The following PLXDC2 variants were observed in gnomAD, a reference collection of about 807,000 sequenced individuals.
PLXDC2 encodes the protein plexin domain containing 2.
PLXDC2 carries 40 observed loss-of-function variants against 68.9 expected under a neutral mutation model. The ratio of observed to expected loss-of-function variants is 0.58; its 90% CI spans 0.45 to 0.76. The LOEUF is 0.76. Ranked by LOEUF, PLXDC2 falls within the 30% of genes least tolerant of loss-of-function variation. The probability of loss-of-function intolerance (pLI) is 0.00; values close to 1 mark genes in which losing one functional copy is unlikely to be tolerated. For synonymous variants in PLXDC2, 243 were observed against 234.2 expected, an observed-to-expected ratio of 1.04 and a Z score of -0.34; for missense variants, 644 against 661.9, an observed-to-expected ratio of 0.97 and a Z score of 0.30.
intron 1 of PLXDC2, among the ~76,000 whole-genome samples, chr10:19,840,948 A>G (rs2131317718): frequency 6.6e-6 from 1 of 152,322 alleles, no homozygotes; most frequent in Non-Finnish European, 1.5e-5. Flanking sequence ...CACTAATAAC[A>G]ACATGATTAC....
intron 3 of PLXDC2, among the ~76,000 whole-genome samples, chr10:20,048,355 G>A (rs1298082310): frequency 6.6e-6 from 1 of 152,014 alleles, no homozygotes; most frequent in Non-Finnish European, 1.5e-5. Context: ...GCCTTTCCTT[G>A]CTAAATTCCA....
At chr10:20,134,694 A>C (rs1833912457) in intron 4 of PLXDC2, among the ~76,000 whole-genome samples, 1 of 152,160 alleles carries the variant, frequency 6.6e-6, no homozygotes, top group Non-Finnish European at 1.5e-5. Flanking sequence ...TAGGTCTGTG[A>C]AGGCCAAACT....
At chr10:20,149,319 A>G (rs1411587843) in intron 6 of PLXDC2, among the ~76,000 whole-genome samples, 1 of 129,106 alleles carries the variant, frequency 7.7e-6, no homozygotes, top group African/African-American at 2.9e-5. Flanking sequence ...CCTCACCATA[A>G]CCTCTGCCTT....
At chr10:19,992,402 C>A (rs958640025) in intron 1 of PLXDC2, among the ~76,000 whole-genome samples, 5 of 152,132 alleles carry the variant, frequency 3.3e-5, no homozygotes, top group African/African-American at 7.2e-5. Context: ...TCATTAAATG[C>A]TCTTTTCCTA....
chr10:19,869,853 A>G (rs1351314935), intron 1 of PLXDC2, among the ~76,000 whole-genome samples: 1 of 152,058 alleles, frequency 6.6e-6, no homozygotes, highest in Non-Finnish European at 1.5e-5. Flanking sequence ...GTTATTGGTT[A>G]GAAAACAAGT....
intron 6 of PLXDC2, among the ~76,000 whole-genome samples, chr10:20,162,410 C>A (rs1022789449): frequency 2.8e-4 from 43 of 152,070 alleles, no homozygotes; most frequent in African/African-American, 1.0e-3. Flanking sequence ...TCTGGTAAAG[C>A]CTTTTTCAAC....
At chr10:20,012,475 C>T (rs1189013391) in intron 2 of PLXDC2, among the ~76,000 whole-genome samples, 2 of 150,404 alleles carry the variant, frequency 1.3e-5, no homozygotes, top group Non-Finnish European at 3.0e-5. Flanking sequence ...ACCACCACGC[C>T]CAGCTTTTTT....
intron 1 of PLXDC2, among the ~76,000 whole-genome samples, chr10:19,999,359 G>A (rs1834891403): frequency 6.7e-6 from 1 of 149,790 alleles, no homozygotes; most frequent in Non-Finnish European, 1.5e-5. Context: ...AGATTTTAAT[G>A]AAGACAAATC....
rs1224372679 is a variant in PLXDC2, at chr10:19,816,557, C to A, written c.-523C>A. On this transcript the variant is annotated 5_prime_UTR_variant, in exon 1 of 14. Coordinates refer to ENST00000377252, the MANE Select transcript of PLXDC2 (RefSeq NM_032812.9). Reference sequence around the variant, plus strand: ...GAAGCAAAACTTGTCGGGAGGGTTTCGTCATCAACCTCCTTCCCGCAAACC... The same window carrying A: ...GAAGCAAAACTTGTCGGGAGGGTTTAGTCATCAACCTCCTTCCCGCAAACC... The A allele has an allele frequency of 6.4e-6, 1 of 155,828 alleles. No individual in the cohort carries two copies. Among genetic ancestry groups the A allele is most frequent in the African/African-American group, 2.4e-5 (1 of 41,446 alleles). The allele number at this position is 155,828 out of a possible 1,614,324, so 9.7% of individuals were successfully genotyped here.
intron 13 of PLXDC2, among the ~76,000 whole-genome samples, chr10:20,247,410 A>G (rs113352893): frequency 2.6e-4 from 39 of 152,188 alleles, no homozygotes; most frequent in African/African-American, 8.9e-4. Flanking sequence ...CCAGGAAATC[A>G]AAGCTGCAGG....
chr10:19,925,282 G>A (rs1833522255), intron 1 of PLXDC2, among the ~76,000 whole-genome samples: 1 of 152,162 alleles, frequency 6.6e-6, no homozygotes, highest in Non-Finnish European at 1.5e-5. Flanking sequence ...CACCTGGCAT[G>A]CACTGTAGCA....
At chr10:20,044,263 TTC>T (rs1408673596) in intron 2 of PLXDC2, among the ~76,000 whole-genome samples, 2 of 130,424 alleles carry the variant, frequency 1.5e-5, no homozygotes, top group African/African-American at 6.7e-5. Flanking sequence ...CTTTCTTTCT[TTC>T]TTTCTTTCTT....
In PLXDC2 at chr10:19,890,834, A is replaced by G. The variant is rs147689603; in HGVS notation, c.112+73643A>G. The stretch of plus-strand genomic sequence containing the variant: ...TAGTTAGATGTGTATGCATCTGTAT[A>G]TAACTAATGTATTTCTCTCAGTGAT... On this transcript the variant is annotated intron_variant, in intron 1 of 13. Coordinates refer to ENST00000377252, the MANE Select transcript of PLXDC2 (RefSeq NM_032812.9). 2.6e-4 allele frequency among the ~76,000 whole-genome samples: 39 copies of G among 152,162 alleles called. No individual in the cohort carries two copies. The East Asian group carries it at 6.9e-3, about 27-fold the overall frequency.
intron 4 of PLXDC2, among the ~76,000 whole-genome samples, chr10:20,103,922 C>T (rs1833456617): frequency 6.6e-6 from 1 of 152,150 alleles, no homozygotes; most frequent in Non-Finnish European, 1.5e-5. Context: ...GGATTGCAAG[C>T]GTGAGCCACC....
intron 12 of PLXDC2, among the ~76,000 whole-genome samples, chr10:20,230,684 A>ACC (rs1473704477): frequency 9.2e-6 from 1 of 108,848 alleles, no homozygotes; most frequent in African/African-American, 4.8e-5. Flanking sequence ...ACAGAGTGAG[A>ACC]CCTTGTCTCA....
At chr10:20,152,480 A>G (rs1191058505) in intron 6 of PLXDC2, among the ~76,000 whole-genome samples, 1 of 152,130 alleles carries the variant, frequency 6.6e-6, no homozygotes, top group Non-Finnish European at 1.5e-5. Context: ...ACACAGCTGC[A>G]TATTTTAATT....
At position 20,172,508 on chromosome 10, in the gene PLXDC2, A is replaced by G. The variant is rs1834461810; in HGVS notation, c.884-4491A>G. On this transcript the variant is annotated intron_variant, in intron 7 of 13. Transcript: ENST00000377252. ...TAATTGTTTTTTCTTTTATTGATGC[A>G]TAATACTTTACATATGGGGACATGT... 2.6e-5 allele frequency among the ~76,000 whole-genome samples: 4 copies of G among 152,132 alleles called. No individual in the cohort carries two copies. In the South Asian group the frequency reaches 8.3e-4, roughly 32 times the overall value.
At chr10:20,243,713 A>AG (rs1835550159) in intron 12 of PLXDC2, among the ~76,000 whole-genome samples, 1 of 152,078 alleles carries the variant, frequency 6.6e-6, no homozygotes, top group African/African-American at 2.4e-5. Flanking sequence ...AGACAAAAAA[A>AG]GCTTATAACA....
At chr10:20,226,940 A>G (rs1018909297) in intron 12 of PLXDC2, among the ~76,000 whole-genome samples, 13 of 151,854 alleles carry the variant, frequency 8.6e-5, no homozygotes, top group African/African-American at 3.1e-4. Context: ...TCTGAGATAT[A>G]TGAGGGGCCC....
Sources: gnomAD v4.1 joint callset for allele counts (sites outside exome capture counted in the v4.1 genomes callset) on GRCh38, gnomAD v4.1.1 for gene constraint, MANE v1.5 for transcripts, NCBI Gene and HGNC (gene_info 2026-07-23, HGNC 2026-07-21) for gene names.